The following NEGR1 variants were observed in gnomAD, a reference collection of about 807,000 sequenced individuals.
NEGR1 encodes the protein neuronal growth regulator 1, also known as IgLON family member 4.
In NEGR1, 10 loss-of-function variants were observed where a neutral mutation model predicts 40.9. That is an observed-to-expected ratio of 0.24 (90% CI 0.15 to 0.42). NEGR1 has a LOEUF of 0.42. NEGR1 is among the 10% of genes least tolerant of loss of function. NEGR1 has a pLI of 1.00. For missense variants in NEGR1, 352 were observed against 438.9 expected (o/e 0.80, Z 1.77); for synonymous variants, 185 against 166.8 (o/e 1.11, Z -0.84).
chr1:71,614,353 T>C (rs1650372040), intron 4 of NEGR1, among the ~76,000 whole-genome samples: 1 of 152,102 alleles, frequency 6.6e-6, no homozygotes, highest in Non-Finnish European at 1.5e-5. Flanking sequence ...GGTGTATACA[T>C]ATACGTATAT....
chr1:71,815,318 A>G (rs184449317), intron 2 of NEGR1, among the ~76,000 whole-genome samples: 39 of 152,170 alleles, frequency 2.6e-4, no homozygotes, highest in African/African-American at 9.1e-4. Context: ...GGAGTGTTTT[A>G]CTTCCACTTA....
intron 6 of NEGR1, among the ~76,000 whole-genome samples, chr1:71,441,622 C>A (rs1006244532): frequency 2.6e-5 from 4 of 152,106 alleles, no homozygotes; most frequent in Non-Finnish European, 5.9e-5. Flanking sequence ...TTTTTAAAAT[C>A]CCTTTCTGCT....
chr1:71,806,215 A>C (rs900616515), intron 2 of NEGR1, among the ~76,000 whole-genome samples: 1 of 152,008 alleles, frequency 6.6e-6, no homozygotes, highest in Non-Finnish European at 1.5e-5. Flanking sequence ...AGATATATTA[A>C]AGTTATATTA....
At chr1:71,562,102 A>G (rs1483124162) in intron 6 of NEGR1, among the ~76,000 whole-genome samples, 3 of 151,732 alleles carry the variant, frequency 2.0e-5, no homozygotes, top group African/African-American at 7.3e-5. Flanking sequence ...CTTGCCCTGT[A>G]GCCAAAAACG....
chr1:72,201,370 T>C (rs1653198377), intron 1 of NEGR1, among the ~76,000 whole-genome samples: 3 of 151,654 alleles, frequency 2.0e-5, no homozygotes, highest in Admixed American at 6.6e-5. Context: ...ACTATAGTGA[T>C]ACAAAATATC....
At chr1:71,923,965 G>C (rs1348217600) in intron 2 of NEGR1, among the ~76,000 whole-genome samples, 1 of 151,364 alleles carries the variant, frequency 6.6e-6, no homozygotes, top group African/African-American at 2.4e-5. Flanking sequence ...CTGGAGTGCA[G>C]TGGCACGATC....
intron 4 of NEGR1, among the ~76,000 whole-genome samples, chr1:71,655,846 A>G (rs1570158653): frequency 6.6e-6 from 1 of 152,186 alleles, no homozygotes; most frequent in South Asian, 2.1e-4. Flanking sequence ...ACAACGGTCT[A>G]TTAGAGGGCA....
chr1:72,216,388 TATATATATATATAC>T (rs1027941352), intron 1 of NEGR1, among the ~76,000 whole-genome samples: 18 of 132,332 alleles, frequency 1.4e-4, no homozygotes, highest in African/African-American at 5.4e-4. Context: ...TATATACATA[TATATATATATATAC>T]ATATATATAT....
intron 1 of NEGR1, among the ~76,000 whole-genome samples, chr1:72,085,164 GT>G (rs2100534243): frequency 6.6e-6 from 1 of 152,258 alleles, no homozygotes; most frequent in African/African-American, 2.4e-5. Flanking sequence ...AAGGTAATAT[GT>G]TTTTATTAGA....
At chr1:71,778,449 C>T (rs1329406303) in intron 2 of NEGR1, among the ~76,000 whole-genome samples, 1 of 152,068 alleles carries the variant, frequency 6.6e-6, no homozygotes, top group Non-Finnish European at 1.5e-5. Flanking sequence ...TTAATGAAGG[C>T]TAGGTTAAGT....
chr1:71,666,309 C>T (rs1344898205), intron 4 of NEGR1, among the ~76,000 whole-genome samples: 3 of 152,094 alleles, frequency 2.0e-5, no homozygotes, highest in South Asian at 2.1e-4. Flanking sequence ...ATTAAAAACA[C>T]GGGTCTCAAA....
intron 2 of NEGR1, among the ~76,000 whole-genome samples, chr1:71,872,080 C>T (rs367749884): frequency 6.6e-6 from 1 of 152,114 alleles, no homozygotes; most frequent in Non-Finnish European, 1.5e-5. Flanking sequence ...ATGATGACAA[C>T]ATAGGAGATG....
intron 6 of NEGR1, among the ~76,000 whole-genome samples, chr1:71,420,229 A>G (rs977103881): frequency 6.6e-6 from 1 of 152,126 alleles, no homozygotes; most frequent in Non-Finnish European, 1.5e-5. Context: ...TATTTTATTA[A>G]GAGATGCCTC....
intron 1 of NEGR1, among the ~76,000 whole-genome samples, chr1:72,059,278 G>T (rs990152638): frequency 6.6e-6 from 1 of 151,214 alleles, no homozygotes; most frequent in Non-Finnish European, 1.5e-5. Context: ...ACGCCACAAA[G>T]TTCTGTGTGT....
chr1:71,488,277 T>C lies in NEGR1; in HGVS notation c.941-80707A>G, dbSNP rs559782517. On this transcript the variant is annotated intron_variant, in intron 6 of 6. Transcript: ENST00000357731. ...CCTAAATTATCCAGCTTCTTTATAT[T>C]GGCCAAAGTAGTAGTTTCCTTGATG... 5.5e-4 allele frequency: 83 copies of C among 151,888 alleles called. 1 individual carries two copies. The highest frequency in any genetic ancestry group is 1.9e-3 in the African/African-American group (80 of 41,468). The allele number at this position is 151,888 out of a possible 1,614,324, so 9.4% of individuals were successfully genotyped here. A position where few individuals can be genotyped will look rare whatever the true frequency, so the allele number is the denominator to read the frequency against.
At chr1:72,061,952 G>T (rs533373934) in intron 1 of NEGR1, among the ~76,000 whole-genome samples, 3 of 151,744 alleles carry the variant, frequency 2.0e-5, no homozygotes, top group South Asian at 4.2e-4. Flanking sequence ...TCCAACCCCA[G>T]ACTTCTTCCC....
At chr1:71,811,525 C>T (rs1263175851) in intron 2 of NEGR1, among the ~76,000 whole-genome samples, 1 of 151,604 alleles carries the variant, frequency 6.6e-6, no homozygotes, top group Non-Finnish European at 1.5e-5. Flanking sequence ...CTTCATAGTA[C>T]TTATAATTTG....
At chr1:71,488,801 A>G (rs553478666) in intron 6 of NEGR1, among the ~76,000 whole-genome samples, 1 of 151,800 alleles carries the variant, frequency 6.6e-6, no homozygotes, top group Non-Finnish European at 1.5e-5. Flanking sequence ...CTACTAATGC[A>G]AGCAGAAGTA....
intron 4 of NEGR1, among the ~76,000 whole-genome samples, chr1:71,614,682 T>C (rs1056406291): frequency 6.6e-6 from 1 of 152,230 alleles, no homozygotes; most frequent in Non-Finnish European, 1.5e-5. Context: ...GTTAGTTTAA[T>C]TACTCTCTTG....
Sources: gnomAD v4.1 joint callset for allele counts (sites outside exome capture counted in the v4.1 genomes callset) on GRCh38, gnomAD v4.1.1 for gene constraint, MANE v1.5 for transcripts, NCBI Gene and HGNC (gene_info 2026-07-23, HGNC 2026-07-21) for gene names.